Variants in C5 observed in about 807,000 individuals in gnomAD.
C5 encodes the protein complement C5.
C5 carries 140 observed loss-of-function variants against 218.8 expected under a neutral mutation model. That is an observed-to-expected ratio of 0.64 (90% CI 0.56 to 0.74). C5 has a LOEUF of 0.74. Among genes scored for constraint, C5 ranks in the 30% least tolerant of loss-of-function variants. C5 has a pLI of 0.00. For synonymous variants in C5, 614 were observed against 682.3 expected, an observed-to-expected ratio of 0.90 and a Z score of 1.56; for missense variants, 1,700 against 1,969.6, an observed-to-expected ratio of 0.86 and a Z score of 2.59.
chr9:121,032,041 C>T, intron 6 of C5, 72 bp downstream of exon 6: 1 of 880,906 alleles, frequency 1.1e-6, no homozygotes, highest in South Asian at 1.3e-5. Flanking sequence ...CCAGCCTGGG[C>T]AACAGAGCGA....
At chr9:120,980,367 G>T in intron 27 of C5, 113 bp from the exon 28 acceptor site, 1 of 864,108 alleles carries the variant, frequency 1.2e-6, no homozygotes, top group East Asian at 2.5e-5. Flanking sequence ...GGTGAAAAGA[G>T]GACTGACCTA....
the C5 span, among the ~76,000 whole-genome samples, chr9:121,066,169 G>A: frequency 1.3e-5 from 2 of 148,906 alleles, no homozygotes; most frequent in Admixed American, 6.8e-5. Flanking sequence ...AAAATTAGCC[G>A]GGAGTGGTGG....
chr9:121,047,039 G>T (rs1334006561), intron 1 of C5, among the ~76,000 whole-genome samples: 1 of 152,176 alleles, frequency 6.6e-6, no homozygotes, highest in African/African-American at 2.4e-5. Context: ...TGGAAATAGT[G>T]ATGATGGTCC....
At chr9:121,040,251 C>T (rs1309180721) in intron 3 of C5, among the ~76,000 whole-genome samples, 1 of 152,166 alleles carries the variant, frequency 6.6e-6, no homozygotes, top group African/African-American at 2.4e-5. Context: ...CAGCATGTTA[C>T]ACAGGCCTTA....
chr9:120,995,294 A>C (rs2047107981), intron 22 of C5, among the ~76,000 whole-genome samples: 1 of 152,202 alleles, frequency 6.6e-6, no homozygotes, highest in African/African-American at 2.4e-5. Flanking sequence ...ATAAAACAAA[A>C]ATTATTGATA....
At chr9:121,019,138 A>T (rs1488400483) in intron 12 of C5, among the ~76,000 whole-genome samples, 1 of 149,046 alleles carries the variant, frequency 6.7e-6, no homozygotes, top group Non-Finnish European at 1.5e-5. Flanking sequence ...AAGGTTTAAG[A>T]TTAAAAAAAA....
At chr9:121,070,415 ATATATATATATG>A in the C5 span, among the ~76,000 whole-genome samples, 21 of 107,870 alleles carry the variant, frequency 1.9e-4, 1 homozygote, top group African/African-American at 6.1e-4. Flanking sequence ...ATATATATAT[ATATATATATATG>A]TATGTATATT....
intron 1 of C5, among the ~76,000 whole-genome samples, chr9:121,048,881 A>C (rs2047650825): frequency 6.6e-6 from 1 of 152,148 alleles, no homozygotes; most frequent in African/African-American, 2.4e-5. Context: ...CAGCCTCCTT[A>C]AGAGAACCTT....
intron 38 of C5, among the ~76,000 whole-genome samples, chr9:120,958,904 G>A (rs1381262680): frequency 6.6e-6 from 1 of 152,000 alleles, no homozygotes; most frequent in Non-Finnish European, 1.5e-5. Context: ...TCCTACCTCA[G>A]CTTCCCAAGT....
chr9:120,983,425 C>T (rs957568960), intron 25 of C5, among the ~76,000 whole-genome samples: 2 of 152,204 alleles, frequency 1.3e-5, no homozygotes, highest in Non-Finnish European at 2.9e-5. Context: ...CATCTCTTCA[C>T]TCTCTCAGTC....
At chr9:120,975,759 A>G (rs1260685286) in intron 29 of C5, among the ~76,000 whole-genome samples, 1 of 152,130 alleles carries the variant, frequency 6.6e-6, no homozygotes, top group African/African-American at 2.4e-5. Flanking sequence ...GAGGTAATAA[A>G]TTTCTGTCCA....
chr9:120,987,902 C>T (rs1440898967), intron 25 of C5, among the ~76,000 whole-genome samples: 1 of 151,944 alleles, frequency 6.6e-6, no homozygotes, highest in Non-Finnish European at 1.5e-5. Context: ...AAGTGATTCT[C>T]CTGCCTCAGC....
chr9:121,070,384 GATATATATATATATATATAT>G, the C5 span, among the ~76,000 whole-genome samples: 67 of 72,880 alleles, frequency 9.2e-4, no homozygotes, highest in East Asian at 4.6e-3. Flanking sequence ...AAGGAAGGGT[GATATATATATATATATATAT>G]ATATATATAT....
the C5 span, among the ~76,000 whole-genome samples, chr9:121,059,538 G>T: frequency 7.2e-4 from 110 of 152,254 alleles, no homozygotes; most frequent in East Asian, 0.02. The surrounding 1 kb of genome is among the most constrained non-coding windows in gnomAD (Gnocchi z 4.1). Flanking sequence ...TCTAATACCT[G>T]TTACTCATCC....
chr9:121,040,461 C>A (rs1179107900), intron 3 of C5, among the ~76,000 whole-genome samples: 1 of 152,172 alleles, frequency 6.6e-6, no homozygotes, highest in African/African-American at 2.4e-5. Context: ...AAGATGCTTA[C>A]ACTAAAAATC....
the C5 span, among the ~76,000 whole-genome samples, chr9:121,056,241 C>T: frequency 2.5e-3 from 380 of 152,294 alleles, 8 homozygotes; most frequent in Middle Eastern, 6.8e-3. Flanking sequence ...GAAAACATGG[C>T]CTCACTGAAT....
chr9:121,031,065 A>G (rs993205707), intron 6 of C5, among the ~76,000 whole-genome samples: 9 of 152,094 alleles, frequency 5.9e-5, no homozygotes, highest in African/African-American at 1.9e-4. Flanking sequence ...GTTTCATCAT[A>G]ACGAATTTGT....
chr9:121,046,147 T>G (rs765320585), intron 2 of C5, 44 bp downstream of exon 2: 2 of 980,424 alleles, frequency 2.0e-6, no homozygotes, highest in Non-Finnish European at 3.1e-6. Context: ...TTATTGAGAA[T>G]ATTCTGTATA....
At chr9:120,969,699 C>G (rs1436750379) in intron 32 of C5, among the ~76,000 whole-genome samples, 2 of 152,082 alleles carry the variant, frequency 1.3e-5, no homozygotes, top group African/African-American at 4.8e-5. Flanking sequence ...GAAAGGGGTA[C>G]AGGAGAGACT....
Sources: allele counts gnomAD v4.1 joint callset (sites outside exome capture counted in the v4.1 genomes callset), GRCh38; gene constraint gnomAD v4.1.1; non-coding constraint Gnocchi (gnomAD v3.1); transcripts MANE v1.5; gene names NCBI Gene and HGNC (gene_info 2026-07-23, HGNC 2026-07-21).